Variants in PRR16 observed in about 807,000 individuals in gnomAD.
PRR16 encodes protein Largen.
PRR16 carries 6 observed loss-of-function variants against 18.2 expected under a neutral mutation model. The ratio of observed to expected loss-of-function variants is 0.33; its 90% CI spans 0.18 to 0.65. The LOEUF (loss-of-function observed/expected upper bound fraction) is 0.65, where lower values mean the gene tolerates loss of function less well. Ranked by LOEUF, PRR16 falls within the 30% of genes least tolerant of loss-of-function variation. PRR16 has a pLI of 0.74. For missense variants in PRR16, 412 were observed against 376.6 expected (o/e 1.09, Z -0.78); for synonymous variants, 151 against 147.8 (o/e 1.02, Z -0.16).
intron 1 of PRR16, among the ~76,000 whole-genome samples, chr5:120,646,399 G>A (rs1265475327): frequency 2.0e-5 from 3 of 151,862 alleles, no homozygotes; most frequent in Non-Finnish European, 2.9e-5. Flanking sequence ...TGGAGACTTT[G>A]TAGAATTTTA....
the PRR16 span, among the ~76,000 whole-genome samples, chr5:120,771,688 C>T: frequency 6.6e-6 from 1 of 152,030 alleles, no homozygotes; most frequent in Non-Finnish European, 1.5e-5. Flanking sequence ...CACCAGCTCT[C>T]AACTCAGAGT....
At chr5:120,522,453 G>T (rs562788773) in intron 1 of PRR16, among the ~76,000 whole-genome samples, 103 of 152,260 alleles carry the variant, frequency 6.8e-4, no homozygotes, top group Admixed American at 1.1e-3. Context: ...TGTGTCTGTT[G>T]ACTGCATAAA....
chr5:120,624,950 T>C (rs1038544458), intron 1 of PRR16, among the ~76,000 whole-genome samples: 1 of 152,172 alleles, frequency 6.6e-6, no homozygotes, highest in Non-Finnish European at 1.5e-5. Context: ...TCTTCCCTTG[T>C]CTGCCACCAT....
intron 1 of PRR16, among the ~76,000 whole-genome samples, chr5:120,535,983 T>C (rs1315461919): frequency 2.0e-5 from 3 of 152,222 alleles, no homozygotes; most frequent in African/African-American, 4.8e-5. Flanking sequence ...TGAACACTTA[T>C]ACAATGGTAT....
intron 1 of PRR16, among the ~76,000 whole-genome samples, chr5:120,574,529 G>A (rs1044332537): frequency 1.3e-5 from 2 of 149,760 alleles, no homozygotes; most frequent in Admixed American, 6.6e-5. Context: ...ACTTGAACCC[G>A]AGAGGCAGAG....
At chr5:120,727,697 A>G in the PRR16 span, among the ~76,000 whole-genome samples, 1 of 152,114 alleles carries the variant, frequency 6.6e-6, no homozygotes, top group Non-Finnish European at 1.5e-5. Flanking sequence ...AATGTATACA[A>G]TTAAGACTGT....
chr5:120,642,292 A>G (rs1755447917), intron 1 of PRR16, among the ~76,000 whole-genome samples: 1 of 151,664 alleles, frequency 6.6e-6, no homozygotes, highest in Non-Finnish European at 1.5e-5. Flanking sequence ...TGGTTTTTGA[A>G]GTTGTTTATA....
At chr5:120,600,482 GAGC>G (rs992168713) in intron 1 of PRR16, among the ~76,000 whole-genome samples, 6 of 151,906 alleles carry the variant, frequency 3.9e-5, no homozygotes, top group African/African-American at 9.7e-5. Context: ...GACCTGCTAA[GAGC>G]AGCATGTAAG....
intron 1 of PRR16, among the ~76,000 whole-genome samples, chr5:120,551,608 G>C (rs1282268970): frequency 6.6e-6 from 1 of 152,002 alleles, no homozygotes; most frequent in African/African-American, 2.4e-5. Flanking sequence ...AAATATCACT[G>C]TGTGTTAAAT....
chr5:120,753,962 AATAT>A, the PRR16 span, among the ~76,000 whole-genome samples: 2 of 124,766 alleles, frequency 1.6e-5, no homozygotes, highest in African/African-American at 6.0e-5. Flanking sequence ...TATTATATAT[AATAT>A]ATGTTATATA....
At chr5:120,574,691 T>G (rs1305448274) in intron 1 of PRR16, among the ~76,000 whole-genome samples, 1 of 148,958 alleles carries the variant, frequency 6.7e-6, no homozygotes, top group African/African-American at 2.6e-5. Context: ...CAAAGAGAAA[T>G]GCAAATTAAA....
chr5:120,702,246 G>A, the PRR16 span, among the ~76,000 whole-genome samples: 1 of 72,066 alleles, frequency 1.4e-5, no homozygotes, highest in Non-Finnish European at 3.1e-5. Context: ...CAGAAATAAG[G>A]GGTCGGGGCA....
In PRR16 at chr5:120,686,576, C is replaced by T; in HGVS notation, c.782C>T (p.Pro261Leu). The T allele has an allele frequency of 6.2e-7, 1 of 1,613,744 alleles. No individual in the cohort carries two copies. Among genetic ancestry groups the T allele is most frequent in the Non-Finnish European group, 8.5e-7 (1 of 1,179,870 alleles). The change falls in exon 2 of 2, where the codon CCA (proline) becomes CTA (leucine). Residue 261 changes from proline to leucine, a missense_variant. By Grantham distance (98) the Pro-to-Leu change is moderately conservative. Transcript: ENST00000407149. ...LPPTPHLPPFPLENGGMGISH... is the reference protein window; with the variant it reads ...LPPTPHLPPFLLENGGMGISH... ...CCTACACCCCATCTCCCTCCTTTCC[C>T]ACTAGAAAATGGGGGAATGGGAATA...
the PRR16 span, among the ~76,000 whole-genome samples, chr5:120,785,816 G>T: frequency 4.6e-5 from 7 of 151,226 alleles, no homozygotes; most frequent in Non-Finnish European, 1.0e-4. Flanking sequence ...TGATCCGTCC[G>T]CCTCGGACTC....
intron 1 of PRR16, among the ~76,000 whole-genome samples, chr5:120,530,804 A>G (rs1017389935): frequency 6.6e-6 from 1 of 152,146 alleles, no homozygotes; most frequent in African/African-American, 2.4e-5. Flanking sequence ...ACTGCCTGCC[A>G]TCACCCAGGG....
intron 1 of PRR16, among the ~76,000 whole-genome samples, chr5:120,651,154 C>G (rs956447070): frequency 6.6e-6 from 1 of 152,004 alleles, no homozygotes; most frequent in Non-Finnish European, 1.5e-5. Flanking sequence ...TCATATCCTT[C>G]GCCCACTTTT....
At chr5:120,721,919 C>CATGT in the PRR16 span, among the ~76,000 whole-genome samples, 1 of 151,972 alleles carries the variant, frequency 6.6e-6, no homozygotes, top group African/African-American at 2.4e-5. Flanking sequence ...ATATGGGATA[C>CATGT]ATGTGCAGAA....
chr5:120,482,293 C>T (rs796764160), intron 1 of PRR16, among the ~76,000 whole-genome samples: 48 of 152,220 alleles, frequency 3.2e-4, no homozygotes, highest in African/African-American at 6.3e-4. Flanking sequence ...TTCTCTCCCC[C>T]CATTAGTCCC....
chr5:120,794,439 C>T, the PRR16 span, among the ~76,000 whole-genome samples: 2 of 152,060 alleles, frequency 1.3e-5, no homozygotes, highest in Admixed American at 6.6e-5. Flanking sequence ...CAAGCATATG[C>T]ATCATTAGTA....
Sources: gnomAD v4.1 joint callset for allele counts (sites outside exome capture counted in the v4.1 genomes callset) on GRCh38, gnomAD v4.1.1 for gene constraint, MANE v1.5 for transcripts, NCBI Gene and HGNC (gene_info 2026-07-23, HGNC 2026-07-21) for gene names.